The following WDR1 variants were observed in gnomAD, a reference collection of about 807,000 sequenced individuals.
The protein encoded by WDR1 is WD repeat-containing protein 1.
Under a neutral mutation model 71.9 loss-of-function variants are expected in WDR1, and 21 were observed. That is an observed-to-expected ratio of 0.29 (90% CI 0.21 to 0.42). The LOEUF (loss-of-function observed/expected upper bound fraction) is 0.42, where lower values mean the gene tolerates loss of function less well. WDR1 is among the 10% of genes least tolerant of loss of function. The probability of loss-of-function intolerance (pLI) is 1.00; values close to 1 mark genes in which losing one functional copy is unlikely to be tolerated. For synonymous variants in WDR1, 424 were observed against 347.4 expected (o/e 1.22, Z -2.45); for missense variants, 696 against 824.5 (o/e 0.84, Z 1.91).
intron 2 of WDR1, among the ~76,000 whole-genome samples, chr4:10,112,712 T>G (rs1713459900): frequency 6.6e-6 from 1 of 152,210 alleles, no homozygotes; most frequent in Non-Finnish European, 1.5e-5. Flanking sequence ...GAGCTTTCCT[T>G]GTTCTCATGC....
At chr4:10,102,013 T>C (rs1399961913) in intron 3 of WDR1, among the ~76,000 whole-genome samples, 1 of 152,184 alleles carries the variant, frequency 6.6e-6, no homozygotes, top group Non-Finnish European at 1.5e-5. Flanking sequence ...CAAAAACCAT[T>C]AAATGCCTAC....
chr4:10,084,351 A>C, intron 9 of WDR1, 92 bp downstream of exon 9: 2 of 1,215,710 alleles, frequency 1.6e-6, no homozygotes, highest in East Asian at 5.2e-5. Flanking sequence ...AGCTGGAGCC[A>C]CCTGGCTGGC....
intron 2 of WDR1, 47 bp from the exon 3 acceptor site, chr4:10,104,033 C>G (rs764678773): frequency 1.3e-6 from 2 of 1,542,094 alleles, no homozygotes; most frequent in South Asian, 2.4e-5. Flanking sequence ...GAGAAGCAGT[C>G]AAGCTTCCAG....
At chr4:10,098,854 G>A (rs1712516059) in intron 4 of WDR1, 138 bp downstream of exon 4, 8 of 1,274,938 alleles carry the variant, frequency 6.3e-6, no homozygotes, top group Non-Finnish European at 8.8e-6. Flanking sequence ...CCCTCACGGG[G>A]CCCGGCACCT....
chr4:10,111,371 ACTCAG>A (rs1713351428), intron 2 of WDR1, among the ~76,000 whole-genome samples: 1 of 151,936 alleles, frequency 6.6e-6, no homozygotes, highest in Non-Finnish European at 1.5e-5. Flanking sequence ...ACCTGCAGCC[ACTCAG>A]ATTCTCCTGA....
intron 2 of WDR1, among the ~76,000 whole-genome samples, chr4:10,114,129 C>T (rs557333404): frequency 6.6e-6 from 1 of 152,334 alleles, no homozygotes; most frequent in South Asian, 2.1e-4. Flanking sequence ...TAACAAGAGA[C>T]TCAGTGCCTG....
At chr4:10,092,885 T>C (rs543976963) in intron 5 of WDR1, 3 of 433,426 alleles carry the variant, frequency 6.9e-6, no homozygotes, top group South Asian at 3.6e-5. Context: ...GCTGCAGCAG[T>C]CTCAGTCCAG....
At chr4:10,108,921 C>G (rs996676710) in intron 2 of WDR1, among the ~76,000 whole-genome samples, 1 of 152,216 alleles carries the variant, frequency 6.6e-6, no homozygotes, top group Non-Finnish European at 1.5e-5. Flanking sequence ...CATTTGTGCC[C>G]CACCTGCCTT....
chr4:10,083,159 C>T lies in WDR1; in HGVS notation c.1059G>A (p.Thr353=), dbSNP rs751403224. The T allele has an allele frequency of 3.2e-5, 52 of 1,613,632 alleles. No homozygotes were observed. Among genetic ancestry groups the T allele is most frequent in the Non-Finnish European group, 3.9e-5 (46 of 1,179,818 alleles). Residue 353 remains threonine, a synonymous_variant, in exon 10 of 15, where the codon ACG becomes ACA. Transcript: ENST00000499869. ...DGHINYWDSE[T]GENDSFAGKG... The stretch of plus-strand genomic sequence containing the variant: ...TCCCAGCGAAGGAGTCGTTCTCCCC[C>T]GTCTCTGAATCCCAGTAATGTAGGG...
chr4:10,116,437 T>C (rs1382719803), intron 1 of WDR1: 1 of 802,958 alleles, frequency 1.2e-6, no homozygotes, highest in East Asian at 4.2e-5. Context: ...GCGGGGCTCC[T>C]CCGGCTCGGC....
Position 10,098,699 on chromosome 4 carries a change from C to G in WDR1, c.377+293G>C, listed in dbSNP as rs987033830. On this transcript the variant is annotated intron_variant, in intron 4 of 14. Coordinates refer to ENST00000499869, the MANE Select transcript of WDR1 (RefSeq NM_017491.5). ...GTGCTGTTGCTCTTTCACTCTGTCC[C>G]CTTCTTGCTGCCTGCAGGTGGGCAT... 2.6e-5 allele frequency among the ~76,000 whole-genome samples: 4 copies of G among 152,350 alleles called. No individual in the cohort carries two copies. In the East Asian group the frequency reaches 7.7e-4, roughly 29 times the overall value.
At chr4:10,109,434 G>A (rs973732463) in intron 2 of WDR1, among the ~76,000 whole-genome samples, 5 of 152,226 alleles carry the variant, frequency 3.3e-5, no homozygotes, top group African/African-American at 1.2e-4. Context: ...CTCAATGTTA[G>A]TGTGATTCTT....
At position 10,088,283 on chromosome 4, in the gene WDR1, T is replaced by A. The variant is rs73104520; in HGVS notation, c.717+10A>T. 621 of 1,551,492 alleles carry A rather than the reference T, an allele frequency of 4.0e-4. No individual in the cohort carries two copies. The African/African-American group carries it at 5.7e-3, about 14-fold the overall frequency. On this transcript the variant is annotated intron_variant, in intron 7 of 14. Transcript: ENST00000499869. ...CCCACCACTAGGCCGGGAAACACGCTCATACTCACTGCGTAAATCCCACCG... is the reference window on the plus strand; with the variant it reads ...CCCACCACTAGGCCGGGAAACACGCACATACTCACTGCGTAAATCCCACCG...
chr4:10,099,547 C>G (rs1026920999), intron 3 of WDR1, among the ~76,000 whole-genome samples: 1 of 152,250 alleles, frequency 6.6e-6, no homozygotes, highest in South Asian at 2.1e-4. Flanking sequence ...GTGTGGGCCT[C>G]AGGCCACCTT....
At chr4:10,097,331 C>T (rs1345893547) in intron 5 of WDR1, among the ~76,000 whole-genome samples, 7 of 152,288 alleles carry the variant, frequency 4.6e-5, no homozygotes, top group Non-Finnish European at 7.3e-5. Context: ...GTCCCGCAAG[C>T]TCCCTTCCTC....
intron 5 of WDR1, chr4:10,093,174 T>C: frequency 1.6e-6 from 2 of 1,287,348 alleles, no homozygotes; most frequent in Non-Finnish European, 2.0e-6. Context: ...ACTACCTACC[T>C]AGTCAGCTCA....
intron 8 of WDR1, among the ~76,000 whole-genome samples, chr4:10,086,735 A>C (rs983544077): frequency 7.2e-5 from 11 of 152,200 alleles, no homozygotes; most frequent in Admixed American, 2.0e-4. Context: ...CGAGTGGCTT[A>C]AAGCAGGAGC....
rs1315401966 is a variant in WDR1 at position 10,088,714 on chromosome 4, G to T, written c.586C>A (p.Arg196=). The T allele has an allele frequency of 2.5e-6, 4 of 1,606,442 alleles. No homozygotes were observed. The highest frequency in any genetic ancestry group is 3.4e-6 in the Non-Finnish European group (4 of 1,176,476). Residue 196 remains arginine (R), a synonymous_variant, in exon 6 of 15, where the codon CGA becomes AGA. Coordinates refer to ENST00000499869, the MANE Select transcript of WDR1 (RefSeq NM_017491.5). ...AATCTGTTCCCATCAGGAGAGAATC[G>T]CACACAGTTGACAAAGCGGCTGTGG... ...GDHSRFVNCV[R]FSPDGNRFAT...
intron 11 of WDR1, among the ~76,000 whole-genome samples, chr4:10,079,302 A>T (rs928974096): frequency 6.6e-6 from 1 of 152,234 alleles, no homozygotes; most frequent in Admixed American, 6.5e-5. Context: ...CTTGGCCTCG[A>T]TGGGAATCAA....
Sources: allele counts gnomAD v4.1 joint callset (sites outside exome capture counted in the v4.1 genomes callset), GRCh38; gene constraint gnomAD v4.1.1; transcripts MANE v1.5; gene names NCBI Gene and HGNC (gene_info 2026-07-23, HGNC 2026-07-21).